ANKRD36C: variants seen among roughly 807,000 people sequenced by gnomAD.
ANKRD36C encodes the protein ankyrin repeat domain 36C.
ANKRD36C carries 61 observed loss-of-function variants against 276.4 expected under a neutral mutation model. The observed-to-expected ratio is 0.22, with a 90% CI of 0.18 to 0.27. ANKRD36C has a LOEUF of 0.27. ANKRD36C is among the 10% of genes least tolerant of loss of function. ANKRD36C has a pLI of 1.00. For missense variants in ANKRD36C, 1,447 were observed against 2,032.3 expected (o/e 0.71, Z 5.54); for synonymous variants, 483 against 680.1 (o/e 0.71, Z 4.51).
intron 44 of ANKRD36C, 33 bp downstream of exon 60, chr2:95,897,237 T>A (rs1402424906): frequency 2.8e-6 from 4 of 1,413,132 alleles, no homozygotes; most frequent in Admixed American, 2.2e-5. Context: ...CTATCTGGAC[T>A]GAACATGACA....
At chr2:95,968,173 A>C (rs1678630691) in intron 6 of ANKRD36C, among the ~76,000 whole-genome samples, 1 of 152,188 alleles carries the variant, frequency 6.6e-6, no homozygotes, top group Admixed American at 6.6e-5. Flanking sequence ...GCTTTATTAC[A>C]GAGACTCTCA....
rs540582720 is a variant in ANKRD36C, at chr2:95,902,949, C to G, written c.2654-3613G>C. 9 of 1,589,592 alleles carry G rather than the reference C, an allele frequency of 5.7e-6. 1 individual carries two copies. The South Asian group carries it at 1.0e-4, about 18-fold the overall frequency. On this transcript the variant is annotated intron_variant, in intron 42 of 66. Transcript: ENST00000456556. ...ATATTCAAAAGAGAATCTTTCTCGTCTCTTGTAGCCTGAATGGAATTTGAA... is the reference window on the plus strand; with the variant it reads ...ATATTCAAAAGAGAATCTTTCTCGTGTCTTGTAGCCTGAATGGAATTTGAA...
intron 22 of ANKRD36C, among the ~76,000 whole-genome samples, chr2:95,938,101 G>C (rs1677768644): frequency 6.6e-6 from 1 of 152,206 alleles, no homozygotes; most frequent in African/African-American, 2.4e-5. Flanking sequence ...CAGAAGACTT[G>C]ATACTTGGAA....
Position 95,908,432 on chromosome 2 carries a change from A to G in ANKRD36C, c.2653+3812T>C, listed in dbSNP as rs1194127259. 9.9e-6 allele frequency: 13 copies of G among 1,316,986 alleles called. No individual in the cohort carries two copies. The African/African-American group carries it at 1.2e-4, about 12-fold the overall frequency. The allele number at this position is 1,316,986 out of a possible 1,614,324, so 81.6% of individuals were successfully genotyped here. A position where few individuals can be genotyped will look rare whatever the true frequency, so the allele number is the denominator to read the frequency against. On this transcript the variant is annotated intron_variant, in intron 42 of 66. Coordinates refer to ENST00000456556, the Ensembl canonical transcript of ANKRD36C. ...TGCAGCTTCAACGAGCCCCCCGCTG[A>G]TTTATTCACGGAAGAGAATTTCTTA...
intron 38 of ANKRD36C, among the ~76,000 whole-genome samples, chr2:95,914,522 A>G (rs1256338788): frequency 6.6e-6 from 1 of 151,424 alleles, no homozygotes; most frequent in East Asian, 2.0e-4. Context: ...CAAACATGGT[A>G]TGATTTGTCA....
intron 40 of ANKRD36C, among the ~76,000 whole-genome samples, chr2:95,913,472 C>G (rs1401138716): frequency 1.6e-4 from 24 of 151,368 alleles, no homozygotes; most frequent in African/African-American, 3.9e-4. Flanking sequence ...TAATGAGTCA[C>G]TGTGGTGTAT....
chr2:95,853,507 T>C (rs1675338121), intron 64 of ANKRD36C: 1 of 407,114 alleles, frequency 2.5e-6, no homozygotes, highest in Non-Finnish European at 4.2e-6. Flanking sequence ...GATTAAGATA[T>C]AGGTGCATTA....
intron 6 of ANKRD36C, among the ~76,000 whole-genome samples, chr2:95,976,935 T>C (rs1401872942): frequency 6.6e-6 from 1 of 151,962 alleles, no homozygotes; most frequent in Non-Finnish European, 1.5e-5. Context: ...CTTCACCAAC[T>C]CTTTTTTTCC....
exon 48 of ANKRD36C, chr2:95,889,817 C>T (rs1373087807): frequency 1.9e-6 from 3 of 1,593,874 alleles, no homozygotes; most frequent in Non-Finnish European, 8.6e-7. Flanking sequence ...GATATTTGTT[C>T]ATCCTTTGTT....
intron 58 of ANKRD36C, among the ~76,000 whole-genome samples, chr2:95,876,819 C>T (rs1675967830): frequency 7.1e-6 from 1 of 141,674 alleles, no homozygotes; most frequent in Non-Finnish European, 1.5e-5. Flanking sequence ...CACCACTGCA[C>T]CTCCAGCCTG....
exon 28 of ANKRD36C, chr2:95,927,236 C>T (rs1677429357): frequency 1.9e-6 from 3 of 1,610,234 alleles, no homozygotes; most frequent in Non-Finnish European, 2.5e-6. Flanking sequence ...GTTGTCCCTC[C>T]TTTATTTCTG....
At chr2:95,861,926 G>A (rs989570245) in intron 60 of ANKRD36C, among the ~76,000 whole-genome samples, 2 of 151,860 alleles carry the variant, frequency 1.3e-5, no homozygotes, top group African/African-American at 4.8e-5. Flanking sequence ...AGGCAGCTGA[G>A]CAGGTGTGGC....
intron 60 of ANKRD36C, among the ~76,000 whole-genome samples, chr2:95,860,789 G>C (rs62156925): frequency 6.6e-6 from 1 of 152,208 alleles, no homozygotes; most frequent in African/African-American, 2.4e-5. Context: ...CCAGTAAAAC[G>C]AAAGCAGATA....
chr2:95,930,604 T>A (rs1677538857), intron 24 of ANKRD36C, among the ~76,000 whole-genome samples: 1 of 151,208 alleles, frequency 6.6e-6, no homozygotes, highest in Non-Finnish European at 1.5e-5. Flanking sequence ...AGTTTCTAAA[T>A]CACTAGAGAC....
chr2:95,863,822 G>A (rs1437854817), intron 60 of ANKRD36C, among the ~76,000 whole-genome samples: 1 of 152,138 alleles, frequency 6.6e-6, no homozygotes, highest in African/African-American at 2.4e-5. Flanking sequence ...CAAAGGGTAA[G>A]AGACAGCAGG....
At chr2:95,902,819 T>C in intron 42 of ANKRD36C, 67 bp downstream of exon 54, 3 of 1,482,404 alleles carry the variant, frequency 2.0e-6, no homozygotes, top group South Asian at 2.5e-5. Context: ...CCCGCTGATT[T>C]ATTCACGGAA....
intron 1 of ANKRD36C, among the ~76,000 whole-genome samples, chr2:95,990,759 T>C (rs537460500): frequency 1.3e-5 from 2 of 152,296 alleles, no homozygotes; most frequent in Admixed American, 6.5e-5. Flanking sequence ...TAGGTGTCCA[T>C]TGATATCAAA....
chr2:95,884,498 T>C (rs1263167445), intron 52 of ANKRD36C, 130 bp from the exon 73 acceptor site: 5 of 1,478,194 alleles, frequency 3.4e-6, no homozygotes, highest in Non-Finnish European at 2.8e-6. Flanking sequence ...TTTCCTACTT[T>C]GTGTCTGGGG....
At chr2:95,868,384 G>T (rs56414056) in intron 59 of ANKRD36C, among the ~76,000 whole-genome samples, 1 of 151,234 alleles carries the variant, frequency 6.6e-6, no homozygotes, top group African/African-American at 2.4e-5. Flanking sequence ...GCATATGTCC[G>T]ATGTTTAATT....
Sources: gnomAD v4.1 joint callset for allele counts (sites outside exome capture counted in the v4.1 genomes callset) on GRCh38, gnomAD v4.1.1 for gene constraint, MANE v1.5 for transcripts, NCBI Gene and HGNC (gene_info 2026-07-23, HGNC 2026-07-21) for gene names.